The following ANXA3 variants were observed in gnomAD, a reference collection of about 807,000 sequenced individuals.
ANXA3 encodes 35-alpha calcimedin.
A neutral mutation model predicts 48.8 loss-of-function variants in ANXA3; 46 were observed. The ratio of observed to expected loss-of-function variants is 0.94; its 90% CI spans 0.74 to 1.21. The LOEUF (loss-of-function observed/expected upper bound fraction) is 1.21. Ranked by LOEUF, ANXA3 falls within the 50% of genes most tolerant of loss-of-function variation. The probability of loss-of-function intolerance (pLI) is 0.00; values close to 1 mark genes in which losing one functional copy is unlikely to be tolerated. For synonymous variants in ANXA3, 128 were observed against 134.7 expected (o/e 0.95, Z 0.35); for missense variants, 383 against 378.6 (o/e 1.01, Z -0.10).
At chr4:78,590,437 A>G (rs922144469) in intron 6 of ANXA3, among the ~76,000 whole-genome samples, 3 of 152,196 alleles carry the variant, frequency 2.0e-5, no homozygotes, top group African/African-American at 7.2e-5. Context: ...ATCACTTTCT[A>G]TAATTGTCTT....
intron 2 of ANXA3, among the ~76,000 whole-genome samples, chr4:78,561,036 G>T (rs1193906012): frequency 6.6e-6 from 1 of 152,064 alleles, no homozygotes. Flanking sequence ...TCATATGTGG[G>T]AAAAATAGGA....
At chr4:78,575,783 ATCTT>A (rs1243855126) in intron 3 of ANXA3, among the ~76,000 whole-genome samples, 4 of 152,116 alleles carry the variant, frequency 2.6e-5, no homozygotes, top group African/African-American at 9.7e-5. Flanking sequence ...TGCTTATTGA[ATCTT>A]TTCTATAACG....
intron 2 of ANXA3, among the ~76,000 whole-genome samples, chr4:78,561,126 G>A (rs567462073): frequency 2.6e-5 from 4 of 152,222 alleles, no homozygotes; most frequent in South Asian, 2.1e-4. Context: ...AGAAGATACC[G>A]AAAAAGGGAT....
At position 78,573,211 on chromosome 4, in the gene ANXA3, C is replaced by T. The variant is rs760325628; in HGVS notation, c.47C>T (p.Pro16Leu). The change falls in exon 3 of 13, where the codon CCA becomes CTA. Residue 16 changes from proline to leucine, a missense_variant. Pro to Leu is a moderately conservative substitution (Grantham distance 98). Coordinates refer to ENST00000264908, the MANE Select transcript of ANXA3 (RefSeq NM_005139.3). ...VGHRGTVRDY[P>L]DFSPSVDAEA... ...CACCGAGGAACAGTAAGAGATTATC[C>T]AGACTTTAGCCCATCAGTGGATGCT... The T allele has an allele frequency of 1.9e-6, 3 of 1,613,526 alleles. No homozygotes were observed. The highest frequency in any genetic ancestry group is 2.5e-6 in the Non-Finnish European group (3 of 1,179,674).
intron 11 of ANXA3, 39 bp downstream of exon 11, chr4:78,601,607 T>A: frequency 1.3e-6 from 2 of 1,561,354 alleles, no homozygotes; most frequent in Non-Finnish European, 1.8e-6. Flanking sequence ...TAGCGTCCCT[T>A]AATTCCCTTG....
intron 1 of ANXA3, among the ~76,000 whole-genome samples, chr4:78,553,517 C>A (rs946534844): frequency 1.3e-5 from 2 of 152,084 alleles, no homozygotes; most frequent in Non-Finnish European, 2.9e-5. Flanking sequence ...ACCAATAATG[C>A]CTTGTTTTCA....
chr4:78,595,937 G>A lies in ANXA3; in HGVS notation c.634+50G>A, dbSNP rs1471180592. 2.3e-6 allele frequency: 3 copies of A among 1,287,224 alleles called. No individual in the cohort carries two copies. In the Admixed American group the frequency reaches 5.6e-5, roughly 24 times the overall value. 79.7% of individuals were successfully genotyped at this position (1,287,224 alleles called of 1,614,324 possible). On this transcript the variant is annotated intron_variant, in intron 9 of 12. Coordinates refer to ENST00000264908, the MANE Select transcript of ANXA3 (RefSeq NM_005139.3). ...TGTGTTGTATGTTGTTTTTACAAATGTTTTTGCATTTAGTATACAAAGATC... is the reference window on the plus strand; with the variant it reads ...TGTGTTGTATGTTGTTTTTACAAATATTTTTGCATTTAGTATACAAAGATC...
chr4:78,604,308 G>A lies in ANXA3; in HGVS notation c.821G>A (p.Arg274Gln), dbSNP rs771966889. 70 of 1,612,946 alleles carry A rather than the reference G, an allele frequency of 4.3e-5. No individual in the cohort carries two copies. In the East Asian group the frequency reaches 9.4e-4, roughly 22 times the overall value. The change falls in exon 12 of 13, where the codon CGA becomes CAA. Residue 274 changes from arginine (R) to glutamine (Q), a missense_variant. Transcript: ENST00000264908. ...GGAACTGATGAGTTTACTCTGAACC[G>A]AATAATGGTGTCCAGATCAGAAATT... ...GIGTDEFTLN[R>Q]IMVSRSEIDL...
At chr4:78,605,194 CA>C (rs2109951304) in intron 12 of ANXA3, among the ~76,000 whole-genome samples, 2 of 152,224 alleles carry the variant, frequency 1.3e-5, no homozygotes, top group South Asian at 4.1e-4. Context: ...TGGCTGTTCA[CA>C]GGTGCGATCA....
At position 78,595,887 on chromosome 4, in the gene ANXA3, A is replaced by C; in HGVS notation, c.634A>C (p.Thr212Pro). The C allele has an allele frequency of 6.3e-7, 1 of 1,576,082 alleles. No homozygotes were observed. The highest frequency in any genetic ancestry group is 8.7e-7 in the Non-Finnish European group (1 of 1,145,698). Residue 212 changes from threonine (T) to proline (P), a missense_variant and splice_region_variant, in exon 9 of 13, where the codon ACA (threonine) becomes CCA (proline). Transcript: ENST00000264908. ...CLRSFPQLKL[T>P]FDEYRNISQK... is the part of the protein sequence containing the mutation. Reference sequence around the variant, plus strand: ...AAGGAGCTTTCCTCAATTAAAACTAAGTACAAACTCACATTACAATCCTTT... The same window carrying C: ...AAGGAGCTTTCCTCAATTAAAACTACGTACAAACTCACATTACAATCCTTT...
chr4:78,573,094 C>A, intron 2 of ANXA3, 86 bp from the exon 3 acceptor site: 1 of 993,984 alleles, frequency 1.0e-6, no homozygotes, highest in Non-Finnish European at 1.6e-6. Context: ...TGTCATATGC[C>A]TCTCATATGC....
chr4:78,599,770 A>T (rs1009782137), intron 10 of ANXA3, among the ~76,000 whole-genome samples: 2 of 152,052 alleles, frequency 1.3e-5, no homozygotes, highest in Non-Finnish European at 2.9e-5. Context: ...ACAAAAAAAT[A>T]AAAAATTAGC....
intron 2 of ANXA3, among the ~76,000 whole-genome samples, chr4:78,556,988 C>T (rs1033795479): frequency 3.3e-5 from 5 of 152,150 alleles, no homozygotes; most frequent in African/African-American, 1.2e-4. Context: ...TCTCACAGTT[C>T]TATATGTTAG....
chr4:78,559,652 G>A (rs1722586863), intron 2 of ANXA3, among the ~76,000 whole-genome samples: 1 of 152,236 alleles, frequency 6.6e-6, no homozygotes, highest in Non-Finnish European at 1.5e-5. Flanking sequence ...GACAGGCTCT[G>A]CTGGGAGCAG....
intron 6 of ANXA3, 33 bp from the exon 7 acceptor site, chr4:78,591,511 T>A (rs780082246): frequency 3.4e-6 from 5 of 1,471,160 alleles, no homozygotes; most frequent in Non-Finnish European, 4.7e-6. Flanking sequence ...TTTCAGTTTG[T>A]CAAGGCTTAA....
chr4:78,590,996 G>A (rs746025474), intron 6 of ANXA3, among the ~76,000 whole-genome samples: 2 of 152,158 alleles, frequency 1.3e-5, no homozygotes, highest in African/African-American at 4.8e-5. Flanking sequence ...TGCCCAAGAT[G>A]CAGATATCAG....
chr4:78,555,903 G>C (rs1409063801), intron 2 of ANXA3, among the ~76,000 whole-genome samples: 1 of 150,844 alleles, frequency 6.6e-6, no homozygotes, highest in Non-Finnish European at 1.5e-5. Context: ...TAAATATCAT[G>C]ATGAGAAACA....
intron 12 of ANXA3, among the ~76,000 whole-genome samples, chr4:78,605,039 T>C (rs560338300): frequency 3.7e-4 from 56 of 152,386 alleles, no homozygotes; most frequent in African/African-American, 1.3e-3. Context: ...ATATTACTAA[T>C]TGAATTCCAT....
chr4:78,583,982 C>T (rs978610198), intron 5 of ANXA3, among the ~76,000 whole-genome samples: 1 of 152,194 alleles, frequency 6.6e-6, no homozygotes, highest in Non-Finnish European at 1.5e-5. Flanking sequence ...GACCGTCATA[C>T]CCCCTCCTGC....
Sources: allele counts gnomAD v4.1 joint callset (sites outside exome capture counted in the v4.1 genomes callset), GRCh38; gene constraint gnomAD v4.1.1; transcripts MANE v1.5; gene names NCBI Gene and HGNC (gene_info 2026-07-23, HGNC 2026-07-21).